Variants in S100A8 observed in about 807,000 individuals in gnomAD.
The protein encoded by S100A8 is S100 calcium binding protein A8.
A neutral mutation model predicts 4.2 loss-of-function variants in S100A8; 1 was observed. That is an observed-to-expected ratio of 0.24 (90% confidence interval 0.08 to 1.12). The LOEUF is 1.12. Among genes scored for constraint, S100A8 ranks in the 50% most tolerant of loss-of-function variants. S100A8 has a pLI of 0.53. For missense variants in S100A8, 96 were observed against 111.8 expected, an observed-to-expected ratio of 0.86 and a Z score of 0.64; for synonymous variants, 41 against 44.7, an observed-to-expected ratio of 0.92 and a Z score of 0.33.
the S100A8 span, among the ~76,000 whole-genome samples, chr1:153,401,749 C>T: frequency 6.6e-6 from 1 of 152,154 alleles, no homozygotes; most frequent in African/African-American, 2.4e-5. Context: ...GGATAATATT[C>T]AATTTCTGAC....
the S100A8 span, chr1:153,416,602 C>T: frequency 2.2e-6 from 1 of 451,726 alleles, no homozygotes; most frequent in African/African-American, 2.0e-5. Context: ...CTAGAAGTGC[C>T]CAGTGCCCAG....
chr1:153,410,948 C>A, the S100A8 span, among the ~76,000 whole-genome samples: 2 of 152,144 alleles, frequency 1.3e-5, no homozygotes, highest in Non-Finnish European at 2.9e-5. Context: ...GCTAAAAACT[C>A]TCAATAAATT....
At chr1:153,396,133 G>C in the S100A8 span, among the ~76,000 whole-genome samples, 11 of 152,338 alleles carry the variant, frequency 7.2e-5, 1 homozygote, top group South Asian at 2.1e-3. Flanking sequence ...TGGAATCAGA[G>C]GTGGTGTCTC....
At chr1:153,398,933 C>T in the S100A8 span, among the ~76,000 whole-genome samples, 3 of 152,202 alleles carry the variant, frequency 2.0e-5, no homozygotes, top group Admixed American at 6.5e-5. Flanking sequence ...GTCCTACACC[C>T]GCCTTGGGCC....
chr1:153,409,855 T>A, the S100A8 span, among the ~76,000 whole-genome samples: 1 of 152,222 alleles, frequency 6.6e-6, no homozygotes, highest in Non-Finnish European at 1.5e-5. Flanking sequence ...ACATGGAAAC[T>A]GAACAACCTC....
At chr1:153,390,862 G>A in intron 1 of S100A8, 179 bp downstream of exon 1, 1 of 444,104 alleles carries the variant, frequency 2.3e-6, no homozygotes, top group Non-Finnish European at 3.4e-6. Context: ...CTTACCCACT[G>A]GAAGGTGCTG....
At chr1:153,405,377 A>T in the S100A8 span, among the ~76,000 whole-genome samples, 2 of 149,704 alleles carry the variant, frequency 1.3e-5, no homozygotes, top group African/African-American at 4.9e-5. Flanking sequence ...GCCCCCTGCC[A>T]TTTTGCGGAC....
At chr1:153,422,540 T>C in the S100A8 span, 2 of 985,186 alleles carry the variant, frequency 2.0e-6, no homozygotes, top group Non-Finnish European at 2.4e-6. Flanking sequence ...GTGAAAGAGA[T>C]TCTGGAAATC....
At chr1:153,404,518 T>C in the S100A8 span, among the ~76,000 whole-genome samples, 1 of 152,144 alleles carries the variant, frequency 6.6e-6, no homozygotes, top group Non-Finnish European at 1.5e-5. Flanking sequence ...ATTCCAAGGA[T>C]TTCAGACGCT....
chr1:153,397,882 C>T, the S100A8 span, among the ~76,000 whole-genome samples: 2 of 152,214 alleles, frequency 1.3e-5, no homozygotes, highest in Admixed American at 1.3e-4. Flanking sequence ...GGTTCTATCC[C>T]CGCAAGGGCC....
chr1:153,421,284 A>G, the S100A8 span: 1 of 152,212 alleles, frequency 6.6e-6, no homozygotes, highest in Non-Finnish European at 1.5e-5. Flanking sequence ...TTCACCCCAA[A>G]GAAATGATCT....
chr1:153,417,541 C>A, the S100A8 span, among the ~76,000 whole-genome samples: 51 of 152,324 alleles, frequency 3.3e-4, no homozygotes, highest in African/African-American at 1.2e-3. Flanking sequence ...CACCTGGAGC[C>A]TGCACGCACT....
intron 2 of S100A8, 64 bp from the exon 3 acceptor site, chr1:153,390,307 A>G (rs760218947): frequency 1.6e-5 from 26 of 1,602,234 alleles, no homozygotes; most frequent in Non-Finnish European, 2.1e-5. Context: ...AGGCATAGCC[A>G]TCTATGAAGG....
At chr1:153,395,367 T>A (rs986132605), upstream of S100A8, among the ~76,000 whole-genome samples, 3 of 152,110 alleles carry the variant, frequency 2.0e-5, no homozygotes, top group Admixed American at 6.5e-5. Context: ...CAATATTCCC[T>A]GCAGACTGGC....
upstream of S100A8, among the ~76,000 whole-genome samples, chr1:153,393,367 C>A (rs1662145819): frequency 6.6e-6 from 1 of 152,176 alleles, no homozygotes; most frequent in African/African-American, 2.4e-5. Flanking sequence ...TCTTTGGGAC[C>A]AGGAGACCAT....
the S100A8 span, among the ~76,000 whole-genome samples, chr1:153,408,547 C>T: frequency 2.0e-5 from 3 of 152,174 alleles, no homozygotes; most frequent in Non-Finnish European, 4.4e-5. Flanking sequence ...AGCTGGAAAA[C>T]AGTCTGCAGG....
chr1:153,390,621 G>C lies in S100A8; in HGVS notation c.-22-64C>G. ...AATTTGCATCTGGCCAGGGCAGTACGCAGAGGATTCATGCCCCAAGCGATG... is the reference window on the plus strand; with the variant it reads ...AATTTGCATCTGGCCAGGGCAGTACCCAGAGGATTCATGCCCCAAGCGATG... On this transcript the variant is annotated intron_variant, in intron 1 of 2. Transcript: ENST00000368733. 1.4e-5 allele frequency: 22 copies of C among 1,576,106 alleles called. 1 individual carries two copies. In the South Asian group the frequency reaches 2.5e-4, roughly 18 times the overall value.
chr1:153,401,085 A>T, the S100A8 span, among the ~76,000 whole-genome samples: 2 of 152,350 alleles, frequency 1.3e-5, no homozygotes, highest in Admixed American at 6.5e-5. Context: ...GATCCCTTGC[A>T]CAGCTGCGCT....
At chr1:153,405,953 A>G in the S100A8 span, among the ~76,000 whole-genome samples, 1 of 151,852 alleles carries the variant, frequency 6.6e-6, no homozygotes, top group Non-Finnish European at 1.5e-5. Context: ...CGCTCCCCCA[A>G]CTGCTGCACG....
Sources: gnomAD v4.1 joint callset for allele counts (sites outside exome capture counted in the v4.1 genomes callset) on GRCh38, gnomAD v4.1.1 for gene constraint, MANE v1.5 for transcripts, NCBI Gene and HGNC (gene_info 2026-07-23, HGNC 2026-07-21) for gene names.